IL1RL2: variants seen among roughly 807,000 people sequenced by gnomAD.
IL1RL2 encodes interleukin-1 receptor-like 2.
IL1RL2 carries 68 observed loss-of-function variants against 66.8 expected under a neutral mutation model. The observed-to-expected ratio is 1.02, with a 90% CI of 0.84 to 1.25. The LOEUF (loss-of-function observed/expected upper bound fraction) is 1.25. Among genes scored for constraint, IL1RL2 ranks in the 50% most tolerant of loss-of-function variants. IL1RL2 has a pLI of 0.00. For missense variants in IL1RL2, 729 were observed against 709.3 expected (o/e 1.03, Z -0.32); for synonymous variants, 305 against 264.6 (o/e 1.15, Z -1.48).
intron 5 of IL1RL2, among the ~76,000 whole-genome samples, chr2:102,207,465 G>A (rs1434954437): frequency 6.6e-6 from 1 of 151,954 alleles, no homozygotes; most frequent in Admixed American, 6.6e-5. Context: ...GATGAATGCT[G>A]CAAGGACTGA....
At chr2:102,219,530 T>G (rs35024045) in intron 7 of IL1RL2, among the ~76,000 whole-genome samples, 1,815 of 152,240 alleles carry the variant, frequency 0.012, 29 homozygotes, top group African/African-American at 0.037. Flanking sequence ...GTGGTATAAA[T>G]GGAGTGGTGT....
chr2:102,189,469 G>A (rs1687036126), intron 3 of IL1RL2, among the ~76,000 whole-genome samples, 159 bp downstream of exon 3: 1 of 152,172 alleles, frequency 6.6e-6, no homozygotes, highest in Non-Finnish European at 1.5e-5. Context: ...TTTTTAAACA[G>A]AACAGATTTG....
chr2:102,187,914 CTG>C lies in IL1RL2; in HGVS notation c.49_50del (p.Val17HisfsTer13). The stretch of plus-strand genomic sequence containing the variant: ...GGGTTGTCCATCGCCCTTCCACTGT[CTG>C]TCACAGCAGGTACGTTCCGTGTGTC... On this transcript the variant is annotated frameshift_variant, in exon 2 of 12. Transcript: ENST00000264257. LOFTEE classifies it high-confidence loss of function. 6.2e-7 allele frequency: 1 copy of C among 1,614,054 alleles called. No homozygotes were observed. The highest frequency in any genetic ancestry group is 1.1e-5 in the South Asian group (1 of 91,088).
In IL1RL2 at chr2:102,239,922, C is replaced by T. The variant is rs1675178833; in HGVS notation, c.*681C>T. 1 of 152,264 alleles carries T rather than the reference C, an allele frequency of 6.6e-6. No homozygotes were observed. The highest frequency in any genetic ancestry group is 6.5e-5 in the Admixed American group (1 of 15,290). 9.4% of individuals were successfully genotyped at this position (152,264 alleles called of 1,614,324 possible). On this transcript the variant is annotated 3_prime_UTR_variant, in exon 12 of 12. Transcript: ENST00000264257. ...GCGTATGCCCTTTTCTCTGTTTTTC[C>T]ACAATGAACAATTAAACTGTAAATG...
intron 4 of IL1RL2, 100 bp downstream of exon 4, chr2:102,192,220 A>G: frequency 1.3e-6 from 1 of 756,478 alleles, no homozygotes; most frequent in South Asian, 2.0e-5. Flanking sequence ...ATTGGTAAAG[A>G]AAGTTGTGTG....
intron 4 of IL1RL2, among the ~76,000 whole-genome samples, chr2:102,193,572 G>T (rs558855221): frequency 6.6e-6 from 1 of 152,054 alleles, no homozygotes. Context: ...GACTGGTCTC[G>T]AACTCCTGGC....
At chr2:102,230,468 TA>T (rs1017062031) in intron 9 of IL1RL2, among the ~76,000 whole-genome samples, 25 of 152,344 alleles carry the variant, frequency 1.6e-4, no homozygotes, top group African/African-American at 6.0e-4. Flanking sequence ...GATCCCACTT[TA>T]AAAAGCTGAG....
intron 6 of IL1RL2, among the ~76,000 whole-genome samples, chr2:102,214,757 C>T (rs955151421): frequency 5.3e-5 from 8 of 152,010 alleles, no homozygotes; most frequent in African/African-American, 1.9e-4. Context: ...GAAAAAAGAG[C>T]CATTTCCTTG....
chr2:102,225,187 G>C (rs929164194), intron 8 of IL1RL2, among the ~76,000 whole-genome samples: 2 of 152,190 alleles, frequency 1.3e-5, no homozygotes, highest in African/African-American at 2.4e-5. Flanking sequence ...CAGAGGAGCT[G>C]GTTCTGCTCC....
chr2:102,217,596 G>A lies in IL1RL2; in HGVS notation c.725-1357G>A, dbSNP rs35558646. 2.4e-3 allele frequency among the ~76,000 whole-genome samples: 366 copies of A among 152,176 alleles called. 1 individual carries two copies. Among genetic ancestry groups the A allele is most frequent in the African/African-American group, 8.3e-3 (344 of 41,524 alleles). On this transcript the variant is annotated intron_variant, in intron 6 of 11. Transcript: ENST00000264257. ...CATGAAAACAGGCACATAGATCAAT[G>A]GAGCAGAATAGAGAGTCCAGAAATA...
chr2:102,237,615 C>T (rs996721517), intron 11 of IL1RL2, among the ~76,000 whole-genome samples: 10 of 152,152 alleles, frequency 6.6e-5, no homozygotes, highest in South Asian at 2.1e-4. Context: ...TGAGGAATAA[C>T]GACTCTCATG....
At chr2:102,204,227 C>T (rs1327879406) in intron 5 of IL1RL2, among the ~76,000 whole-genome samples, 4 of 151,914 alleles carry the variant, frequency 2.6e-5, no homozygotes, top group Non-Finnish European at 4.4e-5. Flanking sequence ...AGTTTTATTC[C>T]ATTGTGGTCA....
intron 9 of IL1RL2, among the ~76,000 whole-genome samples, chr2:102,228,631 T>C (rs2104872408): frequency 6.6e-6 from 1 of 152,180 alleles, no homozygotes; most frequent in Admixed American, 6.5e-5. Flanking sequence ...AGAATGTGCA[T>C]GTAGGATAGA....
intron 6 of IL1RL2, among the ~76,000 whole-genome samples, chr2:102,218,322 C>T (rs965775550): frequency 6.6e-6 from 1 of 151,840 alleles, no homozygotes; most frequent in South Asian, 2.1e-4. Flanking sequence ...AAGAACACTC[C>T]TTGAATGTTA....
intron 5 of IL1RL2, among the ~76,000 whole-genome samples, chr2:102,207,340 T>C (rs1688789694): frequency 6.6e-6 from 1 of 152,216 alleles, no homozygotes; most frequent in Non-Finnish European, 1.5e-5. Flanking sequence ...GCTAATAATG[T>C]GCTCAGTCTC....
chr2:102,216,284 G>C (rs968735483), intron 6 of IL1RL2, among the ~76,000 whole-genome samples: 1 of 152,120 alleles, frequency 6.6e-6, no homozygotes, highest in South Asian at 2.1e-4. Flanking sequence ...CAACAATCTA[G>C]TGATCATTAT....
intron 9 of IL1RL2, among the ~76,000 whole-genome samples, chr2:102,227,124 A>G (rs1690690903): frequency 6.6e-6 from 1 of 152,222 alleles, no homozygotes; most frequent in Non-Finnish European, 1.5e-5. Flanking sequence ...GATACAATCT[A>G]TTAAGGCCTT....
chr2:102,216,486 G>T (rs1157543824), intron 6 of IL1RL2, among the ~76,000 whole-genome samples: 1 of 151,966 alleles, frequency 6.6e-6, no homozygotes, highest in East Asian at 1.9e-4. Context: ...TCTCTTTTAG[G>T]CAGCATATAG....
intron 7 of IL1RL2, among the ~76,000 whole-genome samples, chr2:102,219,344 A>G (rs188766071): frequency 6.6e-6 from 1 of 152,326 alleles, no homozygotes; most frequent in East Asian, 1.9e-4. Context: ...TTCAAAGCTT[A>G]ATGCCCCGGG....
Sources: allele counts gnomAD v4.1 joint callset (sites outside exome capture counted in the v4.1 genomes callset), GRCh38; gene constraint gnomAD v4.1.1; transcripts MANE v1.5; gene names NCBI Gene and HGNC (gene_info 2026-07-23, HGNC 2026-07-21).